SLC4A9: variants seen among roughly 807,000 people sequenced by gnomAD.
SLC4A9 encodes the protein anion exchange protein 4.
In SLC4A9, 102 loss-of-function variants were observed where a neutral mutation model predicts 103.2. The observed-to-expected ratio is 0.99, with a 90% CI of 0.84 to 1.17. SLC4A9 has a LOEUF of 1.17. SLC4A9 is among the 50% of genes most tolerant of loss of function. SLC4A9 has a pLI of 0.00. For synonymous variants in SLC4A9, 453 were observed against 483.6 expected, an observed-to-expected ratio of 0.94 and a Z score of 0.83; for missense variants, 1,091 against 1,193.7, an observed-to-expected ratio of 0.91 and a Z score of 1.27.
In SLC4A9 at chr5:140,365,573, A is replaced by G. The variant is rs1351584081; in HGVS notation, c.1705A>G (p.Ser569Gly). 1 of 1,611,632 alleles carries G rather than the reference A, an allele frequency of 6.2e-7. No individual in the cohort carries two copies. The highest frequency in any genetic ancestry group is 8.5e-7 in the Non-Finnish European group (1 of 1,178,878). Reference sequence around the variant, plus strand: ...GCCAAAAGACAGAGACGACATTGTAAGCATGGTGAGGGACTGCTCCTGGGA... The same window carrying G: ...GCCAAAAGACAGAGACGACATTGTAGGCATGGTGAGGGACTGCTCCTGGGA... ...TRPKDRDDIVSMDLGLINASL... is the reference protein window; with the variant it reads ...TRPKDRDDIVGMDLGLINASL... The change falls in exon 12 of 22, where the codon AGC becomes GGC. Residue 569 changes from serine to glycine, a missense_variant. Physicochemically the swap from Ser to Gly is moderately conservative, Grantham distance 56 (BLOSUM62 0). Coordinates refer to ENST00000506757, the MANE Select transcript of SLC4A9 (RefSeq NM_031467.3).
Position 140,362,896 on chromosome 5 carries a change from G to T in SLC4A9, c.808-16G>T, listed in dbSNP as rs1320087280. On this transcript the variant is annotated splice_polypyrimidine_tract_variant and intron_variant, in intron 6 of 21. Transcript: ENST00000506757. ...CAGGTTTGCACTTACCACCCATTCT[G>T]TGCCCCCATTCCCAGCAATTCCAGT... 6.2e-7 allele frequency: 1 copy of T among 1,613,984 alleles called. No homozygotes were observed. The highest frequency in any genetic ancestry group is 1.7e-5 in the Admixed American group (1 of 60,020).
intron 20 of SLC4A9, 108 bp from the exon 21 acceptor site, chr5:140,372,637 C>T (rs1273107771): frequency 2.1e-5 from 30 of 1,446,156 alleles, no homozygotes; most frequent in Non-Finnish European, 2.6e-5. Context: ...GGCTGTCTTT[C>T]TCAACTCTGA....
At position 140,371,709 on chromosome 5, in the gene SLC4A9, G is replaced by A; in HGVS notation, c.2670+85G>A. The A allele has an allele frequency of 2.7e-6, 4 of 1,458,852 alleles. No individual in the cohort carries two copies. The South Asian group carries it at 4.9e-5, about 18-fold the overall frequency. The allele number at this position is 1,458,852 out of a possible 1,614,324, so 90.4% of individuals were successfully genotyped here. ...AGGGTGGCCAAGGCCTCCACGAGAG[G>A]AAGAATCTCCCCTCTCACTCGCTGT... On this transcript the variant is annotated intron_variant, in intron 19 of 21. Coordinates refer to ENST00000506757, the MANE Select transcript of SLC4A9 (RefSeq NM_031467.3).
chr5:140,369,293 CA>C (rs542905543), intron 17 of SLC4A9, among the ~76,000 whole-genome samples: 2 of 144,066 alleles, frequency 1.4e-5, no homozygotes, highest in East Asian at 2.0e-4. Context: ...AAAAAAAAAA[CA>C]AAAAAAAACC....
At chr5:140,360,688 G>C in intron 1 of SLC4A9, 124 bp from the exon 2 acceptor site, 1 of 1,470,616 alleles carries the variant, frequency 6.8e-7, no homozygotes, top group South Asian at 1.3e-5. Flanking sequence ...GGGTGGGGGG[G>C]AGACTTCACA....
At position 140,363,027 on chromosome 5, in the gene SLC4A9, G is replaced by A. The variant is rs1159150227; in HGVS notation, c.923G>A (p.Arg308Gln). 1 of 1,613,048 alleles carries A rather than the reference G, an allele frequency of 6.2e-7. No homozygotes were observed. Among genetic ancestry groups the A allele is most frequent in the East Asian group, 2.2e-5 (1 of 44,874 alleles). ...CCAGGTCGGTGGGACCCAACAGCCC[G>A]GATTCCCCCGCCCAAATGTCTGCCA... ...LPPGRWDPTA[R>Q]IPPPKCLPSQ... is the part of the protein sequence containing the mutation. Residue 308 changes from arginine (R) to glutamine (Q), a missense_variant, in exon 7 of 22, where the codon CGG becomes CAG. Coordinates refer to ENST00000506757, the MANE Select transcript of SLC4A9 (RefSeq NM_031467.3). The surrounding 1 kb of genome is among the most constrained non-coding windows in gnomAD (Gnocchi z 4.5).
intron 14 of SLC4A9, among the ~76,000 whole-genome samples, chr5:140,367,013 G>T (rs1767987440): frequency 6.6e-6 from 1 of 152,186 alleles, no homozygotes; most frequent in Admixed American, 6.5e-5. Flanking sequence ...CTTGTAATCA[G>T]CGTGGACACA....
intron 19 of SLC4A9, among the ~76,000 whole-genome samples, 185 bp downstream of exon 19, chr5:140,371,809 G>A (rs1017277900): frequency 2.0e-5 from 3 of 152,318 alleles, no homozygotes; most frequent in African/African-American, 7.2e-5. Flanking sequence ...CTAGTCCTGG[G>A]ATACCTGATT....
chr5:140,363,140 G>A lies in SLC4A9; in HGVS notation c.962+74G>A. The stretch of plus-strand genomic sequence containing the variant: ...GGGTCTAATTCCATTGTTGAGGAGG[G>A]GTGGTGTCCCAGGAAAGAGATAGGG... On this transcript the variant is annotated intron_variant, in intron 7 of 21. Coordinates refer to ENST00000506757, the MANE Select transcript of SLC4A9 (RefSeq NM_031467.3). This position sits in a 1 kb window ranked among gnomAD's most constrained non-coding sequence, Gnocchi z 4.5. The A allele has an allele frequency of 1.9e-5, 29 of 1,551,526 alleles. No homozygotes were observed. Among genetic ancestry groups the A allele is most frequent in the Non-Finnish European group, 2.5e-5 (29 of 1,153,178 alleles).
intron 20 of SLC4A9, 81 bp downstream of exon 20, chr5:140,372,478 A>G: frequency 1.3e-6 from 2 of 1,566,962 alleles, no homozygotes; most frequent in Non-Finnish European, 1.7e-6. Context: ...TCCCTAAATA[A>G]TATCTCCAGT....
At chr5:140,372,082 A>G (rs1353875142) in intron 19 of SLC4A9, among the ~76,000 whole-genome samples, 160 bp from the exon 20 acceptor site, 3 of 152,220 alleles carry the variant, frequency 2.0e-5, no homozygotes, top group Non-Finnish European at 4.4e-5. Flanking sequence ...TCCCTGTACA[A>G]TGGGAATAAT....
rs1319555533 is a variant in SLC4A9, at chr5:140,372,310, G to A, written c.2739G>A (p.Leu913=). The change falls in exon 20 of 22, where the codon CTG becomes CTA. Residue 913 remains leucine (L), a synonymous_variant. Transcript: ENST00000506757. ...TCTCACCACAGGAACTCCTCTGGCT[G>A]GATGAGCTGATGCCAGAGGAGGAGA... ...RVFSPQELLW[L]DELMPEEERS... 2 of 1,609,362 alleles carry A rather than the reference G, an allele frequency of 1.2e-6. No individual in the cohort carries two copies. Among genetic ancestry groups the A allele is most frequent in the South Asian group, 2.2e-5 (2 of 90,356 alleles).
At position 140,360,943 on chromosome 5, in the gene SLC4A9, G is replaced by A; in HGVS notation, c.362G>A (p.Cys121Tyr). The part of the protein sequence containing the change: ...LLAEGLVLLD[C>Y]PAQSLLELVE... ...GCCGAGGGCCTTGTACTGCTGGACT[G>A]CCCAGCTCAGAGCCTCCTGGAGCTC... Residue 121 changes from cysteine to tyrosine, a missense_variant, in exon 2 of 22, where the codon TGC becomes TAC. Cys to Tyr is a radical substitution (Grantham distance 194, BLOSUM62 -2). Transcript: ENST00000506757. 6.3e-7 allele frequency: 1 copy of A among 1,594,882 alleles called. No homozygotes were observed. Among genetic ancestry groups the A allele is most frequent in the Non-Finnish European group, 8.5e-7 (1 of 1,171,034 alleles).
Position 140,361,726 on chromosome 5 carries a change from A to G in SLC4A9, c.506-82A>G, listed in dbSNP as rs1381110377. 2.0e-6 allele frequency: 3 copies of G among 1,473,068 alleles called. No homozygotes were observed. The East Asian group carries it at 6.8e-5, about 33-fold the overall frequency. The allele number at this position is 1,473,068 out of a possible 1,614,324, so 91.2% of individuals were successfully genotyped here. A position where few individuals can be genotyped will look rare whatever the true frequency, so the allele number is the denominator to read the frequency against. ...TATACTCTAATTCTTACAGCTTGTC[A>G]GTGGCAAAAGTGATTAGGGAATCCT... On this transcript the variant is annotated intron_variant, in intron 3 of 21. Transcript: ENST00000506757.
intron 11 of SLC4A9, 103 bp downstream of exon 11, chr5:140,364,728 G>C: frequency 7.2e-7 from 1 of 1,388,120 alleles, no homozygotes; most frequent in Non-Finnish European, 9.8e-7. Flanking sequence ...GCAAAATGCT[G>C]CATACTTACC....
At chr5:140,364,221 T>G in intron 10 of SLC4A9, 34 bp downstream of exon 10, 1 of 1,568,528 alleles carries the variant, frequency 6.4e-7, no homozygotes, top group Non-Finnish European at 8.7e-7. Flanking sequence ...GGACCCTCAC[T>G]AGTGCCATGG....
chr5:140,362,338 A>G (rs1030076292), intron 5 of SLC4A9, 107 bp from the exon 6 acceptor site: 17 of 1,286,324 alleles, frequency 1.3e-5, no homozygotes, highest in Admixed American at 3.7e-5. Flanking sequence ...TAGGTGTGCA[A>G]ATGAGTGTGT....
chr5:140,361,078 A>G, intron 2 of SLC4A9, 106 bp downstream of exon 2: 2 of 1,261,494 alleles, frequency 1.6e-6, no homozygotes, highest in Non-Finnish European at 2.2e-6. Flanking sequence ...TACCCCTCCT[A>G]GGATTGTCTA....
rs747360807 is a variant in SLC4A9, at chr5:140,371,564, C to T, written c.2610C>T (p.Ala870=). Residue 870 remains alanine (A), a synonymous_variant, in exon 19 of 22, where the codon GCC becomes GCT. Coordinates refer to ENST00000506757, the MANE Select transcript of SLC4A9 (RefSeq NM_031467.3). Reference sequence around the variant, plus strand: ...ACCTCTTCACAGCCATCCAGCTTGCCTGTCTGGGGCTGCTTTGGATAATCA... The same window carrying T: ...ACCTCTTCACAGCCATCCAGCTTGCTTGTCTGGGGCTGCTTTGGATAATCA... The part of the protein sequence containing the change: ...RVHLFTAIQL[A]CLGLLWIIKS... 5.0e-6 allele frequency: 8 copies of T among 1,613,928 alleles called. No homozygotes were observed. The highest frequency in any genetic ancestry group is 6.8e-6 in the Non-Finnish European group (8 of 1,179,914).
Sources: gnomAD v4.1 joint callset for allele counts (sites outside exome capture counted in the v4.1 genomes callset) on GRCh38, gnomAD v4.1.1 for gene constraint, Gnocchi (gnomAD v3.1) non-coding constraint, MANE v1.5 for transcripts, NCBI Gene and HGNC (gene_info 2026-07-23, HGNC 2026-07-21) for gene names.